PCDH7: variants seen among roughly 807,000 people sequenced by gnomAD.
PCDH7 encodes protocadherin 7.
In PCDH7, 17 loss-of-function variants were observed where a neutral mutation model predicts 58.9. That is an observed-to-expected ratio of 0.29 (90% CI 0.20 to 0.43). The LOEUF is 0.43. PCDH7 is among the 20% of genes least tolerant of loss of function. PCDH7 has a pLI of 1.00. For missense variants in PCDH7, 1,274 were observed against 1,441.0 expected (o/e 0.88, Z 1.88); for synonymous variants, 664 against 616.4 (o/e 1.08, Z -1.14).
At position 30,809,148 on chromosome 4, in the gene PCDH7, C is replaced by T. The variant is rs114278237; in HGVS notation, c.70+84552C>T. ...CTTTTAAAAAATCAAATTGGATTAG[C>T]GACATAGCTATGTAGCTCATATATT... On this transcript the variant is annotated intron_variant, in intron 1 of 3. Transcript: ENST00000509759. 9.7e-3 allele frequency among the ~76,000 whole-genome samples: 1,473 copies of T among 152,172 alleles called. 20 individuals are homozygous for T. Among genetic ancestry groups the T allele is most frequent in the Admixed American group, 0.034 (518 of 15,280 alleles).
intron 3 of PCDH7, among the ~76,000 whole-genome samples, chr4:31,030,248 C>T (rs2109184787): frequency 6.6e-6 from 1 of 152,266 alleles, no homozygotes; most frequent in African/African-American, 2.4e-5. Context: ...CTTGCTGCAT[C>T]ATCTCAGCAA....
intron 3 of PCDH7, among the ~76,000 whole-genome samples, chr4:31,030,100 A>G (rs1283755367): frequency 2.6e-5 from 4 of 151,536 alleles, no homozygotes; most frequent in Non-Finnish European, 5.9e-5. Context: ...TATGACTGAC[A>G]GGACAGCCTT....
chr4:30,811,204 G>T (rs1726947148), intron 1 of PCDH7, among the ~76,000 whole-genome samples: 1 of 152,072 alleles, frequency 6.6e-6, no homozygotes. Flanking sequence ...ATTTCCTCTG[G>T]GATGGCAGTC....
intron 3 of PCDH7, among the ~76,000 whole-genome samples, chr4:30,980,790 A>G (rs1324993267): frequency 6.6e-6 from 1 of 152,206 alleles, no homozygotes; most frequent in Non-Finnish European, 1.5e-5. Flanking sequence ...TGGACTAAAT[A>G]GAAATTTCTA....
At chr4:30,931,025 A>G (rs1048869509) in intron 2 of PCDH7, among the ~76,000 whole-genome samples, 3 of 152,222 alleles carry the variant, frequency 2.0e-5, no homozygotes, top group Non-Finnish European at 4.4e-5. Context: ...TAGCATTGGG[A>G]AAGTAGTAAC....
At chr4:31,052,658 C>A (rs528260287) in intron 3 of PCDH7, among the ~76,000 whole-genome samples, 1 of 152,160 alleles carries the variant, frequency 6.6e-6, no homozygotes, top group South Asian at 2.1e-4. Context: ...CACAAGTGAT[C>A]CTGAAAATCT....
At chr4:31,067,377 A>C (rs1578704009) in intron 3 of PCDH7, among the ~76,000 whole-genome samples, 1 of 71,830 alleles carries the variant, frequency 1.4e-5, no homozygotes, top group South Asian at 4.3e-4. Flanking sequence ...ACTGAGACAA[A>C]AAAAAAAAAA....
At chr4:31,117,336 T>C (rs1717123643) in intron 3 of PCDH7, among the ~76,000 whole-genome samples, 1 of 152,196 alleles carries the variant, frequency 6.6e-6, no homozygotes, top group Non-Finnish European at 1.5e-5. Flanking sequence ...AGCAAATGGG[T>C]GCTGTACCCT....
chr4:30,863,565 G>A (rs1239626636), intron 1 of PCDH7, among the ~76,000 whole-genome samples: 1 of 152,030 alleles, frequency 6.6e-6, no homozygotes. Context: ...TTTTTCCAGG[G>A]CAAGAATTAG....
At chr4:30,758,883 T>C (rs915325035) in intron 1 of PCDH7, among the ~76,000 whole-genome samples, 1 of 152,044 alleles carries the variant, frequency 6.6e-6, no homozygotes, top group Non-Finnish European at 1.5e-5. Context: ...AGATAGATAA[T>C]TTTTTTGTTG....
chr4:30,802,668 T>G (rs571250316), intron 1 of PCDH7, among the ~76,000 whole-genome samples: 1 of 152,092 alleles, frequency 6.6e-6, no homozygotes, highest in East Asian at 1.9e-4. Flanking sequence ...AGGCTCAATA[T>G]TTTCAGCAGT....
chr4:30,741,644 C>A (rs1184272357), intron 1 of PCDH7, among the ~76,000 whole-genome samples: 1 of 152,194 alleles, frequency 6.6e-6, no homozygotes, highest in African/African-American at 2.4e-5. Flanking sequence ...GTTTAACTCC[C>A]AGTTGGAAAC....
At chr4:30,841,728 A>G (rs1392195140) in intron 1 of PCDH7, among the ~76,000 whole-genome samples, 1 of 152,088 alleles carries the variant, frequency 6.6e-6, no homozygotes, top group Non-Finnish European at 1.5e-5. Context: ...ATAAACAAGT[A>G]CTATGCTGGG....
intron 1 of PCDH7, among the ~76,000 whole-genome samples, chr4:30,835,801 T>C (rs1269025317): frequency 6.6e-6 from 1 of 152,124 alleles, no homozygotes; most frequent in African/African-American, 2.4e-5. Context: ...GATCCATAAA[T>C]ATGAATGCAT....
At chr4:31,132,193 C>T (rs777932088) in intron 3 of PCDH7, among the ~76,000 whole-genome samples, 5 of 152,084 alleles carry the variant, frequency 3.3e-5, no homozygotes, top group Non-Finnish European at 4.4e-5. Context: ...TATTTCTTCT[C>T]ATTTACTTTT....
intron 3 of PCDH7, among the ~76,000 whole-genome samples, chr4:30,992,793 C>CTTTTTTTT (rs577504420): frequency 5.2e-5 from 5 of 95,666 alleles, no homozygotes; most frequent in African/African-American, 2.2e-4. Context: ...CTGTCCCATT[C>CTTTTTTTT]TTTTTTTTTT....
At chr4:31,023,069 A>G (rs1032260882) in intron 3 of PCDH7, among the ~76,000 whole-genome samples, 1 of 152,300 alleles carries the variant, frequency 6.6e-6, no homozygotes, top group South Asian at 2.1e-4. Context: ...AATGTTTGCA[A>G]TGGACATTGA....
rs1732373160 is a variant in PCDH7 at position 30,849,122 on chromosome 4, ATT to A, written c.71-71027_71-71026del. Among the ~76,000 whole-genome samples the A allele has an allele frequency of 1.3e-5, 2 of 152,198 alleles. 1 individual carries two copies. Among genetic ancestry groups the A allele is most frequent in the Middle Eastern group, 6.8e-3 (2 of 294 alleles). ...GGAGAAAAATAGCATAGGGAAGTCT[ATT>A]TTTATGATTTAAATGTCAGTATGGA... On this transcript the variant is annotated intron_variant, in intron 1 of 3. Transcript: ENST00000509759.
chr4:31,107,918 A>G (rs994667180), intron 3 of PCDH7, among the ~76,000 whole-genome samples: 13 of 152,152 alleles, frequency 8.5e-5, no homozygotes, highest in Admixed American at 6.5e-4. Flanking sequence ...TATTTTTATT[A>G]GTAGTTGTTA....
Sources: allele counts gnomAD v4.1 joint callset (sites outside exome capture counted in the v4.1 genomes callset), GRCh38; gene constraint gnomAD v4.1.1; transcripts MANE v1.5; gene names NCBI Gene and HGNC (gene_info 2026-07-23, HGNC 2026-07-21).